The following MBD5 variants were observed in gnomAD, a reference collection of about 807,000 sequenced individuals.
MBD5 encodes the protein methyl-CpG-binding domain protein 5.
MBD5 carries 13 observed loss-of-function variants against 117.3 expected under a neutral mutation model. The ratio of observed to expected loss-of-function variants is 0.11; its 90% CI spans 0.07 to 0.18. The LOEUF is 0.18. Ranked by LOEUF, MBD5 falls within the 10% of genes least tolerant of loss-of-function variation. The pLI is 1.00. For missense variants in MBD5, 1,879 were observed against 2,093.8 expected (o/e 0.90, Z 2.00); for synonymous variants, 727 against 766.4 (o/e 0.95, Z 0.85).
At chr2:148,351,648 T>C (rs1399466454) in intron 4 of MBD5, among the ~76,000 whole-genome samples, 2 of 152,034 alleles carry the variant, frequency 1.3e-5, no homozygotes, top group African/African-American at 4.8e-5. Flanking sequence ...TCTGGTAAGT[T>C]CTTAAGGAAT....
At chr2:148,376,778 TATA>T (rs972343002) in intron 4 of MBD5, among the ~76,000 whole-genome samples, 1 of 140,158 alleles carries the variant, frequency 7.1e-6, no homozygotes, top group Non-Finnish European at 1.5e-5. Flanking sequence ...ATTATACTAT[TATA>T]ATTTATATAT....
At chr2:148,230,607 A>G (rs186664599) in intron 2 of MBD5, among the ~76,000 whole-genome samples, 58 of 152,104 alleles carry the variant, frequency 3.8e-4, no homozygotes, top group African/African-American at 1.4e-3. Flanking sequence ...GATTTTCTCA[A>G]GAAGAAGGAG....
chr2:148,173,030 T>C (rs1332048012), intron 1 of MBD5, among the ~76,000 whole-genome samples: 2 of 152,170 alleles, frequency 1.3e-5, no homozygotes, highest in East Asian at 1.9e-4. Context: ...CCTCCAGTTG[T>C]TCGCGTACCT....
chr2:148,104,127 C>T (rs1696306162), intron 1 of MBD5, among the ~76,000 whole-genome samples: 1 of 152,086 alleles, frequency 6.6e-6, no homozygotes, highest in South Asian at 2.1e-4. Flanking sequence ...TATATCTCCC[C>T]TGGGAACATC....
intron 4 of MBD5, among the ~76,000 whole-genome samples, chr2:148,366,109 A>C (rs1198188097): frequency 6.6e-6 from 1 of 152,196 alleles, no homozygotes; most frequent in African/African-American, 2.4e-5. Flanking sequence ...CCAGCAGTAC[A>C]TCAGAAAGCT....
At chr2:148,188,950 G>C (rs1462910604) in intron 2 of MBD5, among the ~76,000 whole-genome samples, 3 of 151,566 alleles carry the variant, frequency 2.0e-5, no homozygotes, top group Admixed American at 1.3e-4. Context: ...CCTGGGAAGC[G>C]CAAGGGGTCA....
intron 1 of MBD5, among the ~76,000 whole-genome samples, chr2:148,113,063 T>C (rs1574027625): frequency 1.3e-5 from 2 of 152,214 alleles, no homozygotes; most frequent in East Asian, 3.8e-4. Context: ...TCACCAGTAT[T>C]ACTTCTACTT....
chr2:148,307,603 A>G (rs930682993), intron 3 of MBD5, among the ~76,000 whole-genome samples: 1 of 151,914 alleles, frequency 6.6e-6, no homozygotes, highest in African/African-American at 2.4e-5. Flanking sequence ...GTTTCCCTTT[A>G]CCTTTATTAT....
At chr2:148,107,933 G>A (rs1696410249) in intron 1 of MBD5, among the ~76,000 whole-genome samples, 1 of 152,088 alleles carries the variant, frequency 6.6e-6, no homozygotes, top group African/African-American at 2.4e-5. Flanking sequence ...AACAGTATTA[G>A]TACAATACTA....
In MBD5 at chr2:148,483,457, C is replaced by T. The variant is rs1559095107; in HGVS notation, c.2866C>T (p.His956Tyr). Residue 956 changes from histidine to tyrosine, a missense_variant, in exon 9 of 14, where the codon CAC (histidine) becomes TAC (tyrosine). His to Tyr is a moderately conservative substitution (Grantham distance 83). Coordinates refer to ENST00000642680, the MANE Select transcript of MBD5 (RefSeq NM_001378120.1). ...AGAAGGCAAGTCTGAGATCAACCTC[C>T]ACCCTTTAGGTTTTCTCAACCCGAA... ...AGEGKSEINL[H>Y]PLGFLNPNVN... is the part of the protein sequence containing the mutation. 1 of 1,614,118 alleles carries T rather than the reference C, an allele frequency of 6.2e-7. No individual in the cohort carries two copies. The highest frequency in any genetic ancestry group is 1.1e-5 in the South Asian group (1 of 91,080).
chr2:148,203,157 A>T (rs1008689402), intron 2 of MBD5, among the ~76,000 whole-genome samples: 3 of 152,078 alleles, frequency 2.0e-5, no homozygotes, highest in African/African-American at 7.2e-5. Flanking sequence ...TTTTACCATA[A>T]CAATTTTTAA....
intron 9 of MBD5, among the ~76,000 whole-genome samples, chr2:148,484,503 G>A (rs891073816): frequency 6.6e-6 from 1 of 152,140 alleles, no homozygotes; most frequent in African/African-American, 2.4e-5. Context: ...AGTTGGTGTG[G>A]CATCACAGGG....
chr2:148,448,153 C>A (rs540719730), intron 4 of MBD5, among the ~76,000 whole-genome samples: 1 of 152,180 alleles, frequency 6.6e-6, no homozygotes, highest in East Asian at 1.9e-4. Flanking sequence ...ATGGGTTTTA[C>A]TACTTGTTTC....
chr2:148,273,279 G>A (rs981957328), intron 3 of MBD5, among the ~76,000 whole-genome samples: 1 of 152,118 alleles, frequency 6.6e-6, no homozygotes, highest in Non-Finnish European at 1.5e-5. Flanking sequence ...ATGATTAACA[G>A]TCTCTTCCTG....
At chr2:148,144,385 C>A (rs28870981) in intron 1 of MBD5, among the ~76,000 whole-genome samples, 61,815 of 151,290 alleles carry the variant, frequency 0.41, 12,809 homozygotes, top group South Asian at 0.5. Flanking sequence ...AATTTTCTCC[C>A]ATTCTGTAGG....
At chr2:148,495,438 A>G (rs1412300856) in intron 11 of MBD5, among the ~76,000 whole-genome samples, 1 of 152,180 alleles carries the variant, frequency 6.6e-6, no homozygotes, top group Non-Finnish European at 1.5e-5. Flanking sequence ...TTTTTTCTGC[A>G]TAGATCATTT....
intron 2 of MBD5, among the ~76,000 whole-genome samples, chr2:148,227,999 G>A (rs1158990076): frequency 2.0e-5 from 3 of 152,192 alleles, no homozygotes; most frequent in Non-Finnish European, 4.4e-5. Flanking sequence ...ATCAGCTTAA[G>A]GAGATTTTGG....
chr2:148,358,212 A>T (rs1383484206), intron 4 of MBD5, among the ~76,000 whole-genome samples: 1 of 152,194 alleles, frequency 6.6e-6, no homozygotes, highest in East Asian at 1.9e-4. Context: ...GTAGGCAAAA[A>T]AAATGGCCAG....
intron 4 of MBD5, among the ~76,000 whole-genome samples, chr2:148,409,868 A>G (rs979253405): frequency 1.6e-4 from 25 of 152,292 alleles, no homozygotes; most frequent in African/African-American, 5.1e-4. Flanking sequence ...GAGTCTTTCC[A>G]TATCACTATA....
Sources: allele counts gnomAD v4.1 joint callset (sites outside exome capture counted in the v4.1 genomes callset), GRCh38; gene constraint gnomAD v4.1.1; transcripts MANE v1.5; gene names NCBI Gene and HGNC (gene_info 2026-07-23, HGNC 2026-07-21).